Variants in SRPX2 observed in about 807,000 individuals in gnomAD.
The protein encoded by SRPX2 is sushi repeat-containing protein SRPX2.
SRPX2 carries 26 observed loss-of-function variants against 45.3 expected under a neutral mutation model. The observed-to-expected ratio is 0.57, with a 90% CI of 0.42 to 0.80. The LOEUF is 0.80. SRPX2 is among the 30% of genes least tolerant of loss of function. The pLI, the probability that SRPX2 is intolerant of heterozygous loss-of-function variation, is 0.00. For missense variants in SRPX2, 355 were observed against 399.8 expected, an observed-to-expected ratio of 0.89 and a Z score of 0.95; for synonymous variants, 125 against 143.7, an observed-to-expected ratio of 0.87 and a Z score of 0.93.
chrX:100,675,676 A>C lies in SRPX2; in HGVS notation c.*4689A>C. 1 of 135,582 alleles carries C rather than the reference A, an allele frequency of 7.4e-6. No homozygotes were observed. Among genetic ancestry groups the C allele is most frequent in the Non-Finnish European group, 1.5e-5 (1 of 68,060 alleles). 11.2% of individuals were successfully genotyped at this position (135,582 alleles called of 1,213,427 possible). ...GCTTCCTAGGGAAGTAGGAACAATG[A>C]TAGCAAGACAGAAGATAAAAAGTTG... On this transcript the variant is annotated 3_prime_UTR_variant, in exon 11 of 11. Transcript: ENST00000373004.
intron 3 of SRPX2, among the ~76,000 whole-genome samples, chrX:100,659,542 GC>G (rs1464743560): frequency 9.0e-6 from 1 of 111,725 alleles, no homozygotes; most frequent in Non-Finnish European, 1.9e-5. Context: ...ATGTGTTGTG[GC>G]CTTATAATCA....
At chrX:100,658,042 T>G (rs1398847304) in intron 3 of SRPX2, among the ~76,000 whole-genome samples, 1 of 112,638 alleles carries the variant, frequency 8.9e-6, no homozygotes, top group Non-Finnish European at 1.9e-5. Flanking sequence ...TGCAAATATT[T>G]TCTCCCATTC....
chrX:100,670,696 T>TG (rs2083221438), intron 10 of SRPX2, 111 bp from the exon 11 acceptor site: 1 of 812,881 alleles, frequency 1.2e-6, no homozygotes, highest in Non-Finnish European at 1.8e-6. Context: ...AGGGATGAGG[T>TG]GGGGAAGGAA....
intron 3 of SRPX2, among the ~76,000 whole-genome samples, chrX:100,658,844 T>C (rs1042821123): frequency 4.5e-5 from 5 of 112,160 alleles, no homozygotes; most frequent in African/African-American, 1.6e-4. Context: ...ATTTCTAGAT[T>C]TCTTTGTAGC....
In SRPX2 at chrX:100,673,917, A is replaced by G. The variant is rs1168034002; in HGVS notation, c.*2930A>G. The G allele has an allele frequency of 8.9e-6, 1 of 112,182 alleles. No individual in the cohort carries two copies. The highest frequency in any genetic ancestry group is 3.2e-5 in the African/African-American group (1 of 30,831). 9.2% of individuals were successfully genotyped at this position (112,182 alleles called of 1,213,427 possible). On this transcript the variant is annotated 3_prime_UTR_variant, in exon 11 of 11. Transcript: ENST00000373004. ...AGAAATAGTATATGAAGCCTTGCAC[A>G]TAAAAAGCATTTGATATATATTAAT...
chrX:100,664,214 G>GT (rs2083196644), intron 4 of SRPX2, among the ~76,000 whole-genome samples: 14 of 24,398 alleles, frequency 5.7e-4, no homozygotes, highest in South Asian at 8.6e-3. Context: ...AGTCAGGTCT[G>GT]ATTTTTTTTT....
rs1239534276 is a variant in SRPX2 at position 100,674,932 on chromosome X, C to T, written c.*3945C>T. The stretch of plus-strand genomic sequence containing the variant: ...ATAGCAAAAACAGGAACTGAAAGCT[C>T]ATCAAGCAGGAAGTCAGAATAACAG... On this transcript the variant is annotated 3_prime_UTR_variant, in exon 11 of 11. Transcript: ENST00000373004. The T allele has an allele frequency of 9.0e-6, 1 of 111,716 alleles. No individual in the cohort carries two copies. Among genetic ancestry groups the T allele is most frequent in the Non-Finnish European group, 1.9e-5 (1 of 53,176 alleles). 9.2% of individuals were successfully genotyped at this position (111,716 alleles called of 1,213,427 possible). A position where few individuals can be genotyped will look rare whatever the true frequency, so the allele number is the denominator to read the frequency against.
At chrX:100,647,180 T>A (rs956719340) in intron 2 of SRPX2, among the ~76,000 whole-genome samples, 2 of 112,151 alleles carry the variant, frequency 1.8e-5, no homozygotes, top group Non-Finnish European at 3.8e-5. Flanking sequence ...GCTAAGAATA[T>A]TCTGTGGCCT....
chrX:100,657,866 A>G (rs901172712), intron 3 of SRPX2, among the ~76,000 whole-genome samples: 24 of 109,384 alleles, frequency 2.2e-4, no homozygotes, highest in Non-Finnish European at 4.0e-4. Flanking sequence ...CTGACCTCGT[A>G]ATCCGCCCAC....
intron 3 of SRPX2, among the ~76,000 whole-genome samples, chrX:100,652,835 A>G (rs1174260226): frequency 1.8e-5 from 2 of 111,312 alleles, no homozygotes; most frequent in East Asian, 5.7e-4. Flanking sequence ...CAAATGGTGC[A>G]TACCCACTGC....
chrX:100,667,429 A>G (rs2147650495), intron 9 of SRPX2, 22 bp downstream of exon 9: 1 of 1,210,154 alleles, frequency 8.3e-7, no homozygotes, highest in East Asian at 3.0e-5. Flanking sequence ...TCCCCTAAAG[A>G]GGGCTTAGCT....
chrX:100,671,260 A>T lies in SRPX2; in HGVS notation c.*273A>T. ...AACCCGGGCCCCTGCCCAGCTCTCC[A>T]AAGTCTTTCAGAAAAGTAAATCCTA... is the stretch of plus-strand genomic sequence containing the variant. On this transcript the variant is annotated 3_prime_UTR_variant, in exon 11 of 11. Coordinates refer to ENST00000373004, the MANE Select transcript of SRPX2 (RefSeq NM_014467.3). 2.6e-6 allele frequency: 1 copy of T among 387,885 alleles called. No homozygotes were observed. Among genetic ancestry groups the T allele is most frequent in the South Asian group, 3.7e-5 (1 of 27,383 alleles). 32.0% of individuals were successfully genotyped at this position (387,885 alleles called of 1,213,427 possible).
At chrX:100,666,141 C>G (rs2083203989) in intron 7 of SRPX2, among the ~76,000 whole-genome samples, 1 of 111,831 alleles carries the variant, frequency 8.9e-6, no homozygotes, top group African/African-American at 3.3e-5. Context: ...ATCTATTACC[C>G]CATCATCCAG....
At chrX:100,653,803 CT>C (rs2083160681) in intron 3 of SRPX2, among the ~76,000 whole-genome samples, 1 of 112,566 alleles carries the variant, frequency 8.9e-6, no homozygotes, top group Non-Finnish European at 1.9e-5. Flanking sequence ...CTTTGGTTAA[CT>C]TTTTATTACC....
At chrX:100,657,176 T>A (rs1179679267) in intron 3 of SRPX2, among the ~76,000 whole-genome samples, 4 of 105,262 alleles carry the variant, frequency 3.8e-5, no homozygotes. Flanking sequence ...GATTCACCTG[T>A]CTTGACCTTC....
Position 100,669,255 on chromosome X carries a change from C to A in SRPX2, c.1103C>A (p.Thr368Asn). ...GTTCTGTCTCCCTCCCAGCAATCCACCTGTGGACTGGATTTGCGGCATGTG... is the reference window on the plus strand; with the variant it reads ...GTTCTGTCTCCCTCCCAGCAATCCAACTGTGGACTGGATTTGCGGCATGTG... ...KMQISMLQQS[T>N]CGLDLRHVTI... Residue 368 changes from threonine (T) to asparagine (N), a missense_variant, in exon 10 of 11, where the codon ACC becomes AAC. Coordinates refer to ENST00000373004, the MANE Select transcript of SRPX2 (RefSeq NM_014467.3). 3.3e-6 allele frequency: 4 copies of A among 1,211,367 alleles called. No homozygotes were observed. Among genetic ancestry groups the A allele is most frequent in the Non-Finnish European group, 4.5e-6 (4 of 895,401 alleles).
intron 3 of SRPX2, among the ~76,000 whole-genome samples, chrX:100,655,855 G>GTTTTTT (rs11362126): frequency 6.0e-5 from 3 of 50,010 alleles, no homozygotes; most frequent in Admixed American, 3.2e-4. Flanking sequence ...GGGTGGGGGA[G>GTTTTTT]TTTTTTTTTT....
chrX:100,669,324 G>A lies in SRPX2; in HGVS notation c.1172G>A (p.Arg391His), dbSNP rs1238913051. 3 of 1,170,647 alleles carry A rather than the reference G, an allele frequency of 2.6e-6. No homozygotes were observed. The highest frequency in any genetic ancestry group is 1.1e-6 in the Non-Finnish European group (1 of 873,149). Residue 391 changes from arginine to histidine, a missense_variant, in exon 10 of 11, where the codon CGC becomes CAC. Transcript: ENST00000373004. ...LVGQPPQEVGRIREQQLSANI... is the reference protein window; with the variant it reads ...LVGQPPQEVGHIREQQLSANI... ...GGACAGCCACCTCAGGAGGTGGGGC[G>A]CATCCGGGAGCAACAGCTGTCAGCC...
intron 3 of SRPX2, among the ~76,000 whole-genome samples, chrX:100,655,572 G>T (rs2083165991): frequency 9.0e-6 from 1 of 111,331 alleles, no homozygotes; most frequent in Non-Finnish European, 1.9e-5. Context: ...AATTACATAG[G>T]ACATGGAGTT....
Sources: allele counts gnomAD v4.1 joint callset (sites outside exome capture counted in the v4.1 genomes callset), GRCh38; gene constraint gnomAD v4.1.1; transcripts MANE v1.5; gene names NCBI Gene and HGNC (gene_info 2026-07-23, HGNC 2026-07-21).